Variants in PCSK5 observed in about 807,000 individuals in gnomAD.
The protein encoded by PCSK5 is proprotein convertase subtilisin/kexin type 5, also known as prohormone convertase 5.
A neutral mutation model predicts 233.2 loss-of-function variants in PCSK5; 129 were observed. The ratio of observed to expected loss-of-function variants is 0.55; its 90% CI spans 0.48 to 0.64. The LOEUF (loss-of-function observed/expected upper bound fraction) is 0.64, where lower values mean the gene tolerates loss of function less well. PCSK5 is among the 30% of genes least tolerant of loss of function. The probability of loss-of-function intolerance (pLI) is 0.00; values close to 1 mark genes in which losing one functional copy is unlikely to be tolerated. For synonymous variants in PCSK5, 825 were observed against 879.2 expected (o/e 0.94, Z 1.09); for missense variants, 2,076 against 2,430.1 (o/e 0.85, Z 3.06).
chr9:75,967,457 A>G (rs1825639710), intron 2 of PCSK5, among the ~76,000 whole-genome samples: 1 of 152,186 alleles, frequency 6.6e-6, no homozygotes, highest in African/African-American at 2.4e-5. Context: ...ATAGTATTCC[A>G]TGGCGTGTAT....
intron 20 of PCSK5, among the ~76,000 whole-genome samples, chr9:76,192,065 C>CTG: frequency 6.9e-4 from 16 of 23,186 alleles, no homozygotes; most frequent in Admixed American, 4.0e-3. Context: ...GCAAGACTGT[C>CTG]TCAAAAAAAA....
At chr9:75,909,635 C>T (rs576045850) in intron 1 of PCSK5, among the ~76,000 whole-genome samples, 39 of 152,114 alleles carry the variant, frequency 2.6e-4, no homozygotes, top group Non-Finnish European at 2.9e-4. Context: ...GCAGAGGTTG[C>T]GGTGAGCTGA....
At chr9:76,272,743 C>G (rs919403196) in intron 24 of PCSK5, among the ~76,000 whole-genome samples, 2 of 132,710 alleles carry the variant, frequency 1.5e-5, no homozygotes, top group Non-Finnish European at 3.1e-5. Context: ...CCACTGCACT[C>G]CAGCCTGGTG....
chr9:75,950,142 T>TGG (rs1563932278), intron 2 of PCSK5, among the ~76,000 whole-genome samples: 2 of 98,346 alleles, frequency 2.0e-5, no homozygotes, highest in African/African-American at 3.6e-5. Flanking sequence ...TGTGTGTGTG[T>TGG]GTGGGGGGGG....
chr9:76,314,518 A>C (rs1345250905), intron 30 of PCSK5, among the ~76,000 whole-genome samples: 1 of 152,238 alleles, frequency 6.6e-6, no homozygotes, highest in African/African-American at 2.4e-5. Flanking sequence ...GAACAGCAAT[A>C]AGATTTATAA....
Position 76,345,182 on chromosome 9 carries a change from A to ATTATTTTATT in PCSK5, c.4967-5622_4967-5613dup, listed in dbSNP as rs59974258. 8.0e-3 allele frequency among the ~76,000 whole-genome samples: 1,200 copies of ATTATTTTATT among 150,894 alleles called. 14 individuals are homozygous for ATTATTTTATT. The highest frequency in any genetic ancestry group is 0.028 in the African/African-American group (1,146 of 40,990). On this transcript the variant is annotated intron_variant, in intron 35 of 37. Transcript: ENST00000674117. Reference sequence around the variant, plus strand: ...GTCTATTGTTCCCTTATTTTATTTTATTATTTTATTTTATTTTATTTTATT... The same window carrying ATTATTTTATT: ...GTCTATTGTTCCCTTATTTTATTTTATTATTTTATTTTATTTTATTTTATTTTATTTTATT...
intron 24 of PCSK5, among the ~76,000 whole-genome samples, chr9:76,272,967 T>C (rs1034992805): frequency 2.0e-5 from 3 of 151,552 alleles, no homozygotes; most frequent in African/African-American, 7.3e-5. Context: ...ACTTTCCCCA[T>C]CCTATTATTG....
At chr9:76,267,811 A>G (rs1048917811) in intron 24 of PCSK5, among the ~76,000 whole-genome samples, 3 of 152,206 alleles carry the variant, frequency 2.0e-5, no homozygotes, top group African/African-American at 7.2e-5. Flanking sequence ...CATCAAAACA[A>G]TAAGGATTTA....
At position 76,239,065 on chromosome 9, in the gene PCSK5, C is replaced by T. The variant is rs772469824; in HGVS notation, c.2973C>T (p.Asn991=). ...EGNTCLPCPD[N]CELCHSVHVC... The stretch of plus-strand genomic sequence containing the variant: ...ACACCTGCCTGCCCTGCCCAGACAA[C>T]TGTGAGCTTTGCCACAGCGTGCATG... The change falls in exon 23 of 38, where the codon AAC becomes AAT. Residue 991 remains asparagine, a synonymous_variant. Transcript: ENST00000674117. 6.2e-7 allele frequency: 1 copy of T among 1,611,268 alleles called. No individual in the cohort carries two copies. The highest frequency in any genetic ancestry group is 2.2e-5 in the East Asian group (1 of 44,784).
chr9:75,915,907 A>T (rs1480435035), intron 1 of PCSK5, among the ~76,000 whole-genome samples: 1 of 152,184 alleles, frequency 6.6e-6, no homozygotes, highest in African/African-American at 2.4e-5. Flanking sequence ...CTAGTGCGGG[A>T]AGTTACATAT....
At chr9:76,017,196 T>G (rs1309833870) in intron 3 of PCSK5, among the ~76,000 whole-genome samples, 1 of 152,156 alleles carries the variant, frequency 6.6e-6, no homozygotes, top group African/African-American at 2.4e-5. Context: ...CAGGCTCCAT[T>G]TCCCAGTTCC....
rs762004749 is a variant in PCSK5, at chr9:76,310,801, G to A, written c.3834G>A (p.Pro1278=). ...ADLCKKCQMQ[P]GHPLFLHEGR... ...TTTGCAAAAAATGCCAGATGCAGCC[G>A]GGCCACCCTCTCTTCCTCCATGAAG... is the stretch of plus-strand genomic sequence containing the variant. The change falls in exon 30 of 38, where the codon CCG becomes CCA. Residue 1278 remains proline (P), a synonymous_variant. Transcript: ENST00000674117. The A allele has an allele frequency of 1.2e-4, 193 of 1,610,982 alleles. 2 individuals carry two copies. Among genetic ancestry groups the A allele is most frequent in the South Asian group, 6.5e-4 (59 of 90,698 alleles).
chr9:76,145,844 A>T (rs1159882827), intron 10 of PCSK5, among the ~76,000 whole-genome samples: 2 of 152,194 alleles, frequency 1.3e-5, no homozygotes, highest in Non-Finnish European at 2.9e-5. Flanking sequence ...AGATCTTTGT[A>T]TTGGTGCCAA....
At chr9:75,989,169 T>C (rs1271494983) in intron 3 of PCSK5, among the ~76,000 whole-genome samples, 2 of 152,184 alleles carry the variant, frequency 1.3e-5, no homozygotes, top group Non-Finnish European at 2.9e-5. Flanking sequence ...TCCCCATTGC[T>C]TCACTTAGAA....
intron 2 of PCSK5, among the ~76,000 whole-genome samples, chr9:75,972,628 T>G (rs993845020): frequency 2.0e-5 from 3 of 152,186 alleles, no homozygotes; most frequent in Non-Finnish European, 4.4e-5. Context: ...GGTATTTTAT[T>G]CTTTGTAGCC....
intron 3 of PCSK5, among the ~76,000 whole-genome samples, chr9:76,007,945 C>G (rs1179601591): frequency 1.3e-5 from 2 of 152,002 alleles, no homozygotes; most frequent in Non-Finnish European, 2.9e-5. Context: ...ATATCTCTTT[C>G]TCCATCAAGT....
At chr9:76,244,234 T>A (rs988974571) in intron 24 of PCSK5, among the ~76,000 whole-genome samples, 1 of 152,104 alleles carries the variant, frequency 6.6e-6, no homozygotes, top group African/African-American at 2.4e-5. Flanking sequence ...TCTAAATAAA[T>A]AAATATTTAA....
chr9:76,299,818 G>A (rs370726184), intron 27 of PCSK5, among the ~76,000 whole-genome samples: 8 of 152,172 alleles, frequency 5.3e-5, no homozygotes, highest in South Asian at 4.1e-4. Flanking sequence ...TGATGGCTTC[G>A]GCTGGTTTCC....
At chr9:76,053,825 T>C (rs1184060901) in intron 5 of PCSK5, among the ~76,000 whole-genome samples, 1 of 152,236 alleles carries the variant, frequency 6.6e-6, no homozygotes, top group Non-Finnish European at 1.5e-5. Context: ...CTGCCTGTTA[T>C]ACAGTTCCAA....
Sources: allele counts gnomAD v4.1 joint callset (sites outside exome capture counted in the v4.1 genomes callset), GRCh38; gene constraint gnomAD v4.1.1; transcripts MANE v1.5; gene names NCBI Gene and HGNC (gene_info 2026-07-23, HGNC 2026-07-21).